Variants in LRRTM4 observed in about 807,000 individuals in gnomAD.
LRRTM4 encodes the protein leucine rich repeat transmembrane neuronal 4.
Under a neutral mutation model 47.6 loss-of-function variants are expected in LRRTM4, and 25 were observed. That is an observed-to-expected ratio of 0.53 (90% CI 0.38 to 0.73). The LOEUF (loss-of-function observed/expected upper bound fraction) is 0.73, where lower values mean the gene tolerates loss of function less well. Ranked by LOEUF, LRRTM4 falls within the 30% of genes least tolerant of loss-of-function variation. The pLI, the probability that LRRTM4 is intolerant of heterozygous loss-of-function variation, is 0.00. For missense variants in LRRTM4, 638 were observed against 713.4 expected (o/e 0.89, Z 1.20); for synonymous variants, 311 against 269.5 (o/e 1.15, Z -1.51).
At chr2:76,755,692 A>G (rs534622620) in intron 3 of LRRTM4, among the ~76,000 whole-genome samples, 67 of 152,268 alleles carry the variant, frequency 4.4e-4, no homozygotes, top group African/African-American at 1.6e-3. Context: ...GAACCTGTGT[A>G]AAATGAGAGA....
chr2:76,751,749 T>C (rs754988194), intron 3 of LRRTM4, among the ~76,000 whole-genome samples: 4 of 152,132 alleles, frequency 2.6e-5, no homozygotes, highest in Non-Finnish European at 5.9e-5. Flanking sequence ...ATATGTGGGA[T>C]TGGTGCCATG....
chr2:77,420,413 C>A (rs1264955906), intron 3 of LRRTM4, among the ~76,000 whole-genome samples: 2 of 152,042 alleles, frequency 1.3e-5, no homozygotes, highest in Admixed American at 6.6e-5. Flanking sequence ...TGGGATTACA[C>A]TAGGGTTTAA....
intron 3 of LRRTM4, among the ~76,000 whole-genome samples, chr2:77,078,700 T>C (rs1035288724): frequency 6.6e-6 from 1 of 152,168 alleles, no homozygotes; most frequent in African/African-American, 2.4e-5. Context: ...ACAAACCTTG[T>C]CCAGCAAGCA....
At chr2:76,822,457 A>G (rs1005376728) in intron 3 of LRRTM4, among the ~76,000 whole-genome samples, 3 of 151,462 alleles carry the variant, frequency 2.0e-5, no homozygotes, top group African/African-American at 4.8e-5. Flanking sequence ...AGAAAAAACT[A>G]GTAATGTTAA....
chr2:77,120,569 T>G lies in LRRTM4; in HGVS notation c.1552-371653A>C, dbSNP rs544025673. On this transcript the variant is annotated intron_variant, in intron 3 of 3. Transcript: ENST00000409884. ...AGCTACATAAGGTTTTCAAATACTT[T>G]ACTAATTTTCTAGGTCACTAAAGTA... Among the ~76,000 whole-genome samples the G allele has an allele frequency of 3.9e-5, 6 of 152,042 alleles. No homozygotes were observed. In the South Asian group the frequency reaches 1.2e-3, roughly 31 times the overall value.
chr2:77,258,019 C>T (rs1411581992), intron 3 of LRRTM4, among the ~76,000 whole-genome samples: 1 of 151,682 alleles, frequency 6.6e-6, no homozygotes, highest in African/African-American at 2.4e-5. Flanking sequence ...TTGCTTGAAC[C>T]TTGGAGGCAG....
chr2:77,336,157 GAGAA>G (rs1320680423), intron 3 of LRRTM4, among the ~76,000 whole-genome samples: 9 of 146,670 alleles, frequency 6.1e-5, no homozygotes, highest in African/African-American at 1.5e-4. Flanking sequence ...GGAAGGAAGG[GAGAA>G]AGAAAGGAAG....
chr2:77,230,939 T>A (rs1674945174), intron 3 of LRRTM4, among the ~76,000 whole-genome samples: 2 of 152,206 alleles, frequency 1.3e-5, no homozygotes, highest in Non-Finnish European at 2.9e-5. Flanking sequence ...AAAAGATTTC[T>A]AAATAAATAC....
At chr2:77,031,783 T>C (rs1044861560) in intron 3 of LRRTM4, among the ~76,000 whole-genome samples, 7 of 152,116 alleles carry the variant, frequency 4.6e-5, no homozygotes, top group African/African-American at 1.7e-4. Flanking sequence ...TATGTGCATG[T>C]AAATGTAAAT....
intron 3 of LRRTM4, among the ~76,000 whole-genome samples, chr2:77,113,830 C>T (rs1198085076): frequency 2.0e-5 from 3 of 151,974 alleles, no homozygotes; most frequent in African/African-American, 4.8e-5. Context: ...AGTTTGGCCC[C>T]GGAGCCATTA....
At chr2:77,175,447 T>C (rs978874409) in intron 3 of LRRTM4, among the ~76,000 whole-genome samples, 1 of 152,104 alleles carries the variant, frequency 6.6e-6, no homozygotes, top group Non-Finnish European at 1.5e-5. Context: ...CCAGGGCTCG[T>C]GGCTCTGGAA....
At chr2:77,377,257 A>G (rs1672873596) in intron 3 of LRRTM4, among the ~76,000 whole-genome samples, 6 of 151,942 alleles carry the variant, frequency 3.9e-5, no homozygotes, top group Admixed American at 2.6e-4. Context: ...TTAGAAATCA[A>G]GATCTGGGCA....
chr2:77,249,056 T>A (rs1163137174), intron 3 of LRRTM4, among the ~76,000 whole-genome samples: 1 of 152,034 alleles, frequency 6.6e-6, no homozygotes, highest in East Asian at 1.9e-4. Context: ...TCATTAAAAT[T>A]AAAAATTTGG....
At chr2:76,840,221 A>T (rs919783074) in intron 3 of LRRTM4, among the ~76,000 whole-genome samples, 10 of 152,132 alleles carry the variant, frequency 6.6e-5, no homozygotes, top group Admixed American at 2.0e-4. Flanking sequence ...ACTTGGATTT[A>T]TTTTTTTCCC....
intron 3 of LRRTM4, among the ~76,000 whole-genome samples, chr2:77,129,501 G>T (rs751256093): frequency 3.3e-5 from 5 of 152,132 alleles, no homozygotes; most frequent in Admixed American, 6.5e-5. Context: ...TCAGAAAAGG[G>T]AGTTATCAGA....
chr2:77,425,034 TA>T (rs1162375446), intron 3 of LRRTM4, among the ~76,000 whole-genome samples: 1 of 152,162 alleles, frequency 6.6e-6, no homozygotes, highest in African/African-American at 2.4e-5. Context: ...TGGTGTCTAT[TA>T]AAAAACTATT....
chr2:77,119,473 A>T (rs767376755), intron 3 of LRRTM4, among the ~76,000 whole-genome samples: 37 of 151,932 alleles, frequency 2.4e-4, no homozygotes, highest in Non-Finnish European at 4.7e-4. Context: ...TAAGATAAAA[A>T]TTCAACCCAA....
intron 3 of LRRTM4, among the ~76,000 whole-genome samples, chr2:77,481,782 T>G (rs778651306): frequency 2.0e-5 from 3 of 152,184 alleles, no homozygotes; most frequent in Non-Finnish European, 4.4e-5. Flanking sequence ...TTTCCAAAAA[T>G]GTGTGACTAT....
At chr2:77,099,152 T>C (rs1670885260) in intron 3 of LRRTM4, among the ~76,000 whole-genome samples, 1 of 151,944 alleles carries the variant, frequency 6.6e-6, no homozygotes, top group Admixed American at 6.6e-5. Flanking sequence ...ACAAGAATGT[T>C]CACAACGGTA....
Sources: gnomAD v4.1 joint callset for allele counts (sites outside exome capture counted in the v4.1 genomes callset) on GRCh38, gnomAD v4.1.1 for gene constraint, MANE v1.5 for transcripts, NCBI Gene and HGNC (gene_info 2026-07-23, HGNC 2026-07-21) for gene names.